The following INPP4B variants were observed in gnomAD, a reference collection of about 807,000 sequenced individuals.
INPP4B encodes inositol polyphosphate-4-phosphatase type II B, also known as inositol polyphosphate 4-phosphatase type II.
In INPP4B, 55 loss-of-function variants were observed where a neutral mutation model predicts 122.5. The ratio of observed to expected loss-of-function variants is 0.45; its 90% CI spans 0.36 to 0.56. INPP4B has a LOEUF of 0.56. Among genes scored for constraint, INPP4B ranks in the 20% least tolerant of loss-of-function variants. The probability of loss-of-function intolerance (pLI) is 0.00; values close to 1 mark genes in which losing one functional copy is unlikely to be tolerated. For synonymous variants in INPP4B, 403 were observed against 388.7 expected (o/e 1.04, Z -0.43); for missense variants, 1,000 against 1,097.7 (o/e 0.91, Z 1.26).
chr4:142,531,760 A>G (rs943903138), intron 2 of INPP4B, among the ~76,000 whole-genome samples: 1 of 152,164 alleles, frequency 6.6e-6, no homozygotes, highest in Non-Finnish European at 1.5e-5. Flanking sequence ...CCTACCAAAT[A>G]TAGTAAAATA....
Position 142,539,546 on chromosome 4 carries a change from T to C in INPP4B, c.-190-76820A>G, listed in dbSNP as rs76130601. Among the ~76,000 whole-genome samples the C allele has an allele frequency of 3.3e-3, 499 of 152,110 alleles. 19 individuals are homozygous for C. The East Asian group carries it at 0.08, about 25-fold the overall frequency. ...CTTTGCCGCTCCCTTCCTTTTGCCT[T>C]AGTTTATTATTTCTTATACTGAATC... is the stretch of plus-strand genomic sequence containing the variant. On this transcript the variant is annotated intron_variant, in intron 2 of 25. Coordinates refer to ENST00000262992, the MANE Select transcript of INPP4B (RefSeq NM_001101669.3).
At chr4:142,195,699 C>G (rs1005483267) in intron 14 of INPP4B, among the ~76,000 whole-genome samples, 2 of 152,102 alleles carry the variant, frequency 1.3e-5, no homozygotes, top group Admixed American at 1.3e-4. Flanking sequence ...TGCCTGTAGC[C>G]TCTCTAGAAC....
intron 25 of INPP4B, among the ~76,000 whole-genome samples, chr4:142,071,126 T>C (rs1053950441): frequency 1.3e-5 from 2 of 152,132 alleles, no homozygotes; most frequent in Middle Eastern, 3.4e-3. Context: ...ATGGTACTGG[T>C]CCGAAACAGA....
intron 1 of INPP4B, among the ~76,000 whole-genome samples, chr4:142,809,713 A>G (rs1456070568): frequency 6.6e-6 from 1 of 152,210 alleles, no homozygotes; most frequent in Non-Finnish European, 1.5e-5. Flanking sequence ...TGAATGTTGC[A>G]TAAGTTATCC....
intron 2 of INPP4B, among the ~76,000 whole-genome samples, chr4:142,515,111 A>C (rs1326158181): frequency 6.6e-6 from 1 of 152,122 alleles, no homozygotes; most frequent in African/African-American, 2.4e-5. Context: ...ATTGTTTTAA[A>C]TATTGTATGT....
intron 1 of INPP4B, among the ~76,000 whole-genome samples, chr4:142,784,103 T>A (rs1775346715): frequency 6.6e-6 from 1 of 152,000 alleles, no homozygotes; most frequent in Non-Finnish European, 1.5e-5. Context: ...TGGCTCATGC[T>A]TATAATCCCA....
chr4:142,640,470 G>C (rs951191949), intron 2 of INPP4B, among the ~76,000 whole-genome samples: 1 of 151,992 alleles, frequency 6.6e-6, no homozygotes, highest in African/African-American at 2.4e-5. Flanking sequence ...AGGACAGTTG[G>C]ATACTGATAT....
intron 2 of INPP4B, among the ~76,000 whole-genome samples, chr4:142,586,693 TA>T (rs1046373478): frequency 6.6e-6 from 1 of 152,152 alleles, no homozygotes; most frequent in Non-Finnish European, 1.5e-5. Flanking sequence ...TTTTAAGTTA[TA>T]GAGATTAATA....
At chr4:142,823,630 G>T (rs920096180) in intron 1 of INPP4B, among the ~76,000 whole-genome samples, 1 of 152,052 alleles carries the variant, frequency 6.6e-6, no homozygotes, top group African/African-American at 2.4e-5. Context: ...TAAATATTTT[G>T]TCTTCCAAAT....
At chr4:142,579,514 A>C (rs1339655537) in intron 2 of INPP4B, among the ~76,000 whole-genome samples, 2 of 151,938 alleles carry the variant, frequency 1.3e-5, no homozygotes, top group East Asian at 3.9e-4. Context: ...TAACATTTAA[A>C]TTGGTAGGCT....
intron 2 of INPP4B, among the ~76,000 whole-genome samples, chr4:142,699,087 G>C (rs1262074162): frequency 6.6e-6 from 1 of 152,262 alleles, no homozygotes; most frequent in Non-Finnish European, 1.5e-5. Flanking sequence ...CATGGGTGGG[G>C]TGGAAGTGGG....
At chr4:142,400,313 T>G (rs1801183555) in intron 7 of INPP4B, among the ~76,000 whole-genome samples, 1 of 152,226 alleles carries the variant, frequency 6.6e-6, no homozygotes, top group Admixed American at 6.5e-5. Context: ...ATCAATGGTT[T>G]GCTAGGACCA....
intron 1 of INPP4B, among the ~76,000 whole-genome samples, chr4:142,833,588 T>C (rs1481455386): frequency 6.6e-6 from 1 of 152,034 alleles, no homozygotes; most frequent in Non-Finnish European, 1.5e-5. Context: ...TTATTATCCT[T>C]ATACAATATA....
intron 1 of INPP4B, among the ~76,000 whole-genome samples, chr4:142,799,265 A>T (rs1472084191): frequency 6.6e-6 from 1 of 151,888 alleles, no homozygotes; most frequent in African/African-American, 2.4e-5. Context: ...TCTAAAACTC[A>T]TCGGTCTCAA....
At chr4:142,700,826 A>C (rs1334465709) in intron 2 of INPP4B, among the ~76,000 whole-genome samples, 1 of 152,154 alleles carries the variant, frequency 6.6e-6, no homozygotes, top group African/African-American at 2.4e-5. Context: ...AGCTTTCAGT[A>C]TAAAAACTAT....
At chr4:142,467,667 G>A (rs1315284413) in intron 2 of INPP4B, among the ~76,000 whole-genome samples, 1 of 152,104 alleles carries the variant, frequency 6.6e-6, no homozygotes, top group Non-Finnish European at 1.5e-5. Flanking sequence ...AGGACTATTG[G>A]AAAGGCATGA....
chr4:142,081,722 A>C (rs1212076538), intron 25 of INPP4B, among the ~76,000 whole-genome samples: 1 of 152,092 alleles, frequency 6.6e-6, no homozygotes, highest in Non-Finnish European at 1.5e-5. Context: ...ACTTGAGCCA[A>C]TGAGCTAATA....
At chr4:142,251,186 C>T (rs965042418) in intron 11 of INPP4B, among the ~76,000 whole-genome samples, 1 of 152,084 alleles carries the variant, frequency 6.6e-6, no homozygotes, top group Admixed American at 6.5e-5. Context: ...AACCAATAAG[C>T]ATGACAAAAT....
intron 15 of INPP4B, among the ~76,000 whole-genome samples, chr4:142,184,736 A>T (rs563151831): frequency 5.3e-5 from 8 of 152,224 alleles, no homozygotes; most frequent in Non-Finnish European, 1.0e-4. Context: ...AGTCAGAAGA[A>T]GCTTCCAGGC....
Sources: gnomAD v4.1 joint callset for allele counts (sites outside exome capture counted in the v4.1 genomes callset) on GRCh38, gnomAD v4.1.1 for gene constraint, MANE v1.5 for transcripts, NCBI Gene and HGNC (gene_info 2026-07-23, HGNC 2026-07-21) for gene names.